Variants in ANKS1B observed in about 807,000 individuals in gnomAD.
ANKS1B encodes the protein ankyrin repeat and sterile alpha motif domain-containing protein 1B.
In ANKS1B, 36 loss-of-function variants were observed where a neutral mutation model predicts 148.3. The observed-to-expected ratio is 0.24, with a 90% confidence interval of 0.19 to 0.32. The LOEUF (loss-of-function observed/expected upper bound fraction) is 0.32, where lower values mean the gene tolerates loss of function less well. Ranked by LOEUF, ANKS1B falls within the 10% of genes least tolerant of loss-of-function variation. ANKS1B has a pLI of 1.00. For missense variants in ANKS1B, 1,157 were observed against 1,542.6 expected (o/e 0.75, Z 4.19); for synonymous variants, 542 against 560.8 (o/e 0.97, Z 0.47).
intron 17 of ANKS1B, among the ~76,000 whole-genome samples, chr12:98,981,163 TG>T (rs1016328241): frequency 2.6e-5 from 4 of 151,864 alleles, no homozygotes; most frequent in African/African-American, 9.7e-5. Flanking sequence ...AAAAATTAGC[TG>T]GGCATGGTGG....
At chr12:99,982,485 C>T (rs1432180129) in intron 1 of ANKS1B, among the ~76,000 whole-genome samples, 1 of 152,040 alleles carries the variant, frequency 6.6e-6, no homozygotes, top group East Asian at 1.9e-4. Context: ...CATGTTTTCC[C>T]GAAGAAATTG....
At chr12:99,824,018 C>T (rs1027379521) in intron 2 of ANKS1B, among the ~76,000 whole-genome samples, 1 of 152,142 alleles carries the variant, frequency 6.6e-6, no homozygotes, top group Non-Finnish European at 1.5e-5. Context: ...TTGAAATCTG[C>T]TATCATGATG....
At chr12:98,850,191 T>G (rs1041405483) in intron 17 of ANKS1B, among the ~76,000 whole-genome samples, 5 of 152,250 alleles carry the variant, frequency 3.3e-5, no homozygotes, top group African/African-American at 1.2e-4. Context: ...TTGTTCTTTA[T>G]GTCTTTGTTA....
chr12:98,905,495 C>A (rs535489263), intron 17 of ANKS1B, among the ~76,000 whole-genome samples: 50 of 152,206 alleles, frequency 3.3e-4, no homozygotes, highest in Middle Eastern at 6.8e-3. Context: ...CAGGGCTGGG[C>A]GCAAAGGCTC....
intron 8 of ANKS1B, among the ~76,000 whole-genome samples, chr12:99,677,391 A>G (rs2098583131): frequency 6.6e-6 from 1 of 152,142 alleles, no homozygotes; most frequent in Admixed American, 6.5e-5. Context: ...AGCAAATAAT[A>G]TAGCCTAAAT....
intron 22 of ANKS1B, chr12:98,794,585 C>A (rs549516615): frequency 3.9e-6 from 3 of 769,140 alleles, no homozygotes; most frequent in South Asian, 1.4e-5. Flanking sequence ...TTTTGTAAAT[C>A]TAAATGTCAT....
At chr12:99,399,514 ATG>A in intron 12 of ANKS1B, 115 bp downstream of exon 12, 1 of 1,052,984 alleles carries the variant, frequency 9.5e-7, no homozygotes, top group African/African-American at 1.6e-5. Context: ...ATTGCCACAC[ATG>A]GAGGTGAACT....
chr12:99,027,006 T>C (rs1317772155), intron 17 of ANKS1B, among the ~76,000 whole-genome samples: 5 of 152,220 alleles, frequency 3.3e-5, no homozygotes, highest in Non-Finnish European at 2.9e-5. Context: ...TGTGAATGAG[T>C]ACTCTCTAAT....
chr12:99,845,187 T>C (rs1045955350), intron 1 of ANKS1B, among the ~76,000 whole-genome samples: 4 of 152,218 alleles, frequency 2.6e-5, no homozygotes, highest in East Asian at 1.9e-4. Context: ...CAAAGATAGA[T>C]TGACTTCCTC....
In ANKS1B at chr12:99,085,159, G is replaced by A. The variant is rs564500505; in HGVS notation, c.2527-136C>T. 7.3e-5 allele frequency: 52 copies of A among 712,518 alleles called. 1 individual carries two copies. The highest frequency in any genetic ancestry group is 6.9e-4 in the African/African-American group (39 of 56,586). The allele number at this position is 712,518 out of a possible 1,614,324, so 44.1% of individuals were successfully genotyped here. ...CAAAGACATAGAGTCATTCTTCCGTGAGGGTGAGGGCAGAGTCGGTCACCT... is the reference window on the plus strand; with the variant it reads ...CAAAGACATAGAGTCATTCTTCCGTAAGGGTGAGGGCAGAGTCGGTCACCT... On this transcript the variant is annotated intron_variant, in intron 15 of 26. Transcript: ENST00000683438.
intron 9 of ANKS1B, among the ~76,000 whole-genome samples, chr12:99,544,543 C>G (rs2097155570): frequency 6.6e-6 from 1 of 152,152 alleles, no homozygotes; most frequent in Non-Finnish European, 1.5e-5. Flanking sequence ...AATACCACTT[C>G]CAGAACACAG....
At chr12:99,422,912 A>T (rs1259755421) in intron 11 of ANKS1B, among the ~76,000 whole-genome samples, 1 of 152,184 alleles carries the variant, frequency 6.6e-6, no homozygotes, top group East Asian at 1.9e-4. Flanking sequence ...GAAAAGTTTG[A>T]TGTTTAGAGA....
intron 17 of ANKS1B, among the ~76,000 whole-genome samples, chr12:98,946,451 A>G (rs1386920689): frequency 2.0e-5 from 3 of 152,218 alleles, no homozygotes; most frequent in Non-Finnish European, 2.9e-5. Flanking sequence ...GTGTACAGGC[A>G]CTGCTTTAAG....
At chr12:99,456,922 C>T (rs1242189819) in intron 10 of ANKS1B, among the ~76,000 whole-genome samples, 1 of 152,050 alleles carries the variant, frequency 6.6e-6, no homozygotes, top group Admixed American at 6.6e-5. Flanking sequence ...GCTCAAAAAA[C>T]ACCTGGGAAA....
intron 17 of ANKS1B, among the ~76,000 whole-genome samples, chr12:98,992,773 T>C (rs545868415): frequency 6.9e-4 from 105 of 152,344 alleles, no homozygotes; most frequent in Non-Finnish European, 1.4e-3. Context: ...CTAGCCTGTT[T>C]GATTTCATTC....
chr12:99,481,793 A>G (rs1461731713), intron 10 of ANKS1B, among the ~76,000 whole-genome samples: 1 of 151,858 alleles, frequency 6.6e-6, no homozygotes, highest in Non-Finnish European at 1.5e-5. Context: ...CATTTTTTTC[A>G]TATGTTTATT....
At chr12:99,469,976 G>C (rs2096211502) in intron 10 of ANKS1B, among the ~76,000 whole-genome samples, 1 of 151,814 alleles carries the variant, frequency 6.6e-6, no homozygotes, top group Non-Finnish European at 1.5e-5. Flanking sequence ...CAAATTAGTG[G>C]GATTTGGTGG....
chr12:98,948,540 G>A (rs925294952), intron 17 of ANKS1B, among the ~76,000 whole-genome samples: 1 of 152,138 alleles, frequency 6.6e-6, no homozygotes, highest in African/African-American at 2.4e-5. Context: ...TTCAGAGATA[G>A]GATCTTTTAA....
At chr12:99,385,941 C>G (rs550122121) in intron 12 of ANKS1B, among the ~76,000 whole-genome samples, 3 of 152,054 alleles carry the variant, frequency 2.0e-5, no homozygotes, top group African/African-American at 7.2e-5. Flanking sequence ...CACTAGGAAC[C>G]GAGAGGTTTG....
Sources: allele counts gnomAD v4.1 joint callset (sites outside exome capture counted in the v4.1 genomes callset), GRCh38; gene constraint gnomAD v4.1.1; transcripts MANE v1.5; gene names NCBI Gene and HGNC (gene_info 2026-07-23, HGNC 2026-07-21).